The following PXDN variants were observed in gnomAD, a reference collection of about 807,000 sequenced individuals.
PXDN encodes the protein peroxidasin homolog.
Under a neutral mutation model 140.3 loss-of-function variants are expected in PXDN, and 77 were observed. That is an observed-to-expected ratio of 0.55 (90% CI 0.46 to 0.66). The LOEUF is 0.66. Ranked by LOEUF, PXDN falls within the 30% of genes least tolerant of loss-of-function variation. PXDN has a pLI of 0.00. For missense variants in PXDN, 1,838 were observed against 2,039.5 expected (o/e 0.90, Z 1.90); for synonymous variants, 911 against 857.4 (o/e 1.06, Z -1.09).
intron 1 of PXDN, among the ~76,000 whole-genome samples, chr2:1,726,435 G>A (rs561714785): frequency 7.0e-6 from 1 of 142,616 alleles, no homozygotes; most frequent in African/African-American, 2.8e-5. Flanking sequence ...TTGTGGGGTC[G>A]GGGGAGGGGG....
At chr2:1,646,051 C>G (rs750042726) in intron 17 of PXDN, 1 of 152,250 alleles carries the variant, frequency 6.6e-6, no homozygotes, top group Non-Finnish European at 1.5e-5. Flanking sequence ...ATCCACTCGC[C>G]GTGCGGCCGT....
rs537230972 is a variant in PXDN, at chr2:1,701,907, C to T, written c.201-8773G>A. Among the ~76,000 whole-genome samples, 229 of 152,246 alleles carry T rather than the reference C, an allele frequency of 1.5e-3. 2 individuals carry two copies. The highest frequency in any genetic ancestry group is 0.01 in the Middle Eastern group (3 of 294). On this transcript the variant is annotated intron_variant, in intron 1 of 22. Transcript: ENST00000252804. ...GAGGAGAAGGTCCCTTCTCTGAACC[C>T]GGGTGGCCCTCAGCAGACACCCAAT...
intron 1 of PXDN, among the ~76,000 whole-genome samples, chr2:1,718,573 T>G (rs904642055): frequency 2.0e-5 from 3 of 151,378 alleles, no homozygotes; most frequent in African/African-American, 7.3e-5. Context: ...CAAACCTACT[T>G]TATTAACCTA....
chr2:1,737,279 G>C (rs1436897940), intron 1 of PXDN, among the ~76,000 whole-genome samples: 1 of 152,092 alleles, frequency 6.6e-6, no homozygotes, highest in Non-Finnish European at 1.5e-5. Flanking sequence ...CATCCTCTTA[G>C]CTTGAAACAG....
chr2:1,670,636 C>A (rs1209414399), intron 9 of PXDN, among the ~76,000 whole-genome samples: 3 of 152,180 alleles, frequency 2.0e-5, no homozygotes, highest in African/African-American at 7.2e-5. Flanking sequence ...TGAAGCTACT[C>A]ACAGAAGTAC....
intron 19 of PXDN, among the ~76,000 whole-genome samples, chr2:1,642,097 C>G (rs1257162652): frequency 6.6e-6 from 1 of 152,050 alleles, no homozygotes; most frequent in Non-Finnish European, 1.5e-5. Context: ...ACCTAGCAAG[C>G]ATAATTTTAT....
chr2:1,711,540 C>A (rs1684781486), intron 1 of PXDN, among the ~76,000 whole-genome samples: 1 of 140,264 alleles, frequency 7.1e-6, no homozygotes, highest in Non-Finnish European at 1.5e-5. Context: ...ATCCACTCCA[C>A]CAGCACCCAC....
At position 1,685,518 on chromosome 2, in the gene PXDN, C is replaced by G. The variant is rs1003771330; in HGVS notation, c.417-1367G>C. On this transcript the variant is annotated intron_variant, in intron 4 of 22. Transcript: ENST00000252804. The surrounding 1 kb of genome is among the most constrained non-coding windows in gnomAD (Gnocchi z 5.1). ...ATGTAAGACCCAGGCACCACCACGG[C>G]ACAGTGGCTGTGAGCTGCTCAGCGA... 6.6e-6 allele frequency among the ~76,000 whole-genome samples: 1 copy of G among 152,116 alleles called. No homozygotes were observed. The highest frequency in any genetic ancestry group is 2.4e-5 in the African/African-American group (1 of 41,426).
At chr2:1,743,018 T>C (rs1685582845) in intron 1 of PXDN, among the ~76,000 whole-genome samples, 1 of 152,244 alleles carries the variant, frequency 6.6e-6, no homozygotes, top group Non-Finnish European at 1.5e-5. Flanking sequence ...ACGTGAAAAC[T>C]ATTTTTGGCA....
chr2:1,641,050 T>C (rs1223428951), intron 19 of PXDN, among the ~76,000 whole-genome samples: 1 of 152,234 alleles, frequency 6.6e-6, no homozygotes, highest in Non-Finnish European at 1.5e-5. Context: ...GCAGGCTGGC[T>C]TCCCAGACCT....
intron 1 of PXDN, among the ~76,000 whole-genome samples, chr2:1,726,924 T>A (rs998694749): frequency 6.6e-6 from 1 of 152,188 alleles, no homozygotes; most frequent in Non-Finnish European, 1.5e-5. Flanking sequence ...AATTGCTTTT[T>A]AAAAAATAAA....
At chr2:1,710,176 T>C (rs934666933) in intron 1 of PXDN, among the ~76,000 whole-genome samples, 2 of 152,178 alleles carry the variant, frequency 1.3e-5, no homozygotes, top group African/African-American at 4.8e-5. Flanking sequence ...TGAAACAGGT[T>C]CCTAGAAATG....
intron 1 of PXDN, among the ~76,000 whole-genome samples, chr2:1,719,248 C>T (rs1174921867): frequency 6.6e-6 from 1 of 152,188 alleles, no homozygotes; most frequent in Non-Finnish European, 1.5e-5. Flanking sequence ...CTTCACCCCT[C>T]AGCCACAGCC....
chr2:1,655,743 AG>A (rs988348885), intron 14 of PXDN, among the ~76,000 whole-genome samples: 42 of 127,830 alleles, frequency 3.3e-4, no homozygotes, highest in Non-Finnish European at 1.3e-4. Context: ...CCCTTCAGAC[AG>A]GGACCTACCC....
intron 7 of PXDN, among the ~76,000 whole-genome samples, chr2:1,677,937 T>C (rs1683767536): frequency 6.6e-6 from 1 of 152,200 alleles, no homozygotes; most frequent in African/African-American, 2.4e-5. Context: ...TGTGTGTGTG[T>C]GCAGCGGAGA....
chr2:1,678,633 A>C (rs1683787894), intron 7 of PXDN, among the ~76,000 whole-genome samples: 1 of 152,218 alleles, frequency 6.6e-6, no homozygotes, highest in Admixed American at 6.5e-5. Context: ...CGAAAACGAC[A>C]GGGCCTCGGC....
At chr2:1,743,078 G>A (rs1318685453) in intron 1 of PXDN, among the ~76,000 whole-genome samples, 1 of 152,224 alleles carries the variant, frequency 6.6e-6, no homozygotes, top group Non-Finnish European at 1.5e-5. Flanking sequence ...CTGAAACGCA[G>A]CCCGCGTTCA....
At chr2:1,713,850 C>T (rs968966371) in intron 1 of PXDN, among the ~76,000 whole-genome samples, 2 of 152,230 alleles carry the variant, frequency 1.3e-5, no homozygotes, top group African/African-American at 2.4e-5. Context: ...GTTCACTGAC[C>T]CCATTTTTTT....
chr2:1,696,781 A>T (rs1684310147), intron 1 of PXDN, among the ~76,000 whole-genome samples: 1 of 152,186 alleles, frequency 6.6e-6, no homozygotes. Context: ...CACACGTGTT[A>T]CTGGAGGGGA....
Sources: gnomAD v4.1 joint callset for allele counts (sites outside exome capture counted in the v4.1 genomes callset) on GRCh38, gnomAD v4.1.1 for gene constraint, Gnocchi (gnomAD v3.1) non-coding constraint, MANE v1.5 for transcripts, NCBI Gene and HGNC (gene_info 2026-07-23, HGNC 2026-07-21) for gene names.